PRCP: variants seen among roughly 807,000 people sequenced by gnomAD.
PRCP encodes the protein lysosomal Pro-X carboxypeptidase.
Under a neutral mutation model 54.2 loss-of-function variants are expected in PRCP, and 46 were observed. The ratio of observed to expected loss-of-function variants is 0.85; its 90% CI spans 0.67 to 1.09. The LOEUF is 1.09. Ranked by LOEUF, PRCP falls within the 50% of genes least tolerant of loss-of-function variation. The pLI, the probability that PRCP is intolerant of heterozygous loss-of-function variation, is 0.00. For missense variants in PRCP, 613 were observed against 596.8 expected (o/e 1.03, Z -0.28); for synonymous variants, 240 against 212.2 (o/e 1.13, Z -1.14).
At chr11:82,842,285 A>G (rs1858692366) in intron 6 of PRCP, among the ~76,000 whole-genome samples, 1 of 152,202 alleles carries the variant, frequency 6.6e-6, no homozygotes, top group Admixed American at 6.5e-5. Flanking sequence ...CTGGCTGACA[A>G]TACTTGGGTT....
intron 6 of PRCP, among the ~76,000 whole-genome samples, chr11:82,844,572 AC>A (rs1354101924): frequency 1.3e-5 from 2 of 152,040 alleles, no homozygotes; most frequent in Non-Finnish European, 2.9e-5. Flanking sequence ...CCCCGTCTCT[AC>A]TAAAAATACA....
intron 2 of PRCP, among the ~76,000 whole-genome samples, chr11:82,855,385 G>C (rs1859060069): frequency 6.6e-6 from 1 of 151,986 alleles, no homozygotes; most frequent in Admixed American, 6.5e-5. Context: ...TTGGGAGGCT[G>C]AGGTGGGCGG....
At chr11:82,869,458 G>A (rs1184717706) in intron 1 of PRCP, among the ~76,000 whole-genome samples, 1 of 151,480 alleles carries the variant, frequency 6.6e-6, no homozygotes, top group Admixed American at 6.6e-5. Flanking sequence ...AGAGAAGGAA[G>A]GGAAGGGAAA....
intron 8 of PRCP, among the ~76,000 whole-genome samples, chr11:82,837,475 T>C (rs952406921): frequency 1.3e-5 from 2 of 152,200 alleles, no homozygotes; most frequent in Non-Finnish European, 2.9e-5. Context: ...AAATCATTCA[T>C]AGACTTCTGT....
intron 1 of PRCP, among the ~76,000 whole-genome samples, chr11:82,877,990 C>A (rs1476673090): frequency 2.0e-5 from 3 of 152,152 alleles, no homozygotes; most frequent in Non-Finnish European, 4.4e-5. Flanking sequence ...GTGGAGCTGC[C>A]CAAGACCATG....
Position 82,879,364 on chromosome 11 carries a change from G to A in PRCP, c.169-19247C>T, listed in dbSNP as rs1249143609. Among the ~76,000 whole-genome samples the A allele has an allele frequency of 3.3e-5, 5 of 152,300 alleles. 1 individual carries two copies. Among genetic ancestry groups the A allele is most frequent in the African/African-American group, 1.2e-4 (5 of 41,562 alleles). On this transcript the variant is annotated intron_variant, in intron 1 of 8. Coordinates refer to ENST00000313010, the MANE Select transcript of PRCP (RefSeq NM_005040.4). Reference sequence around the variant, plus strand: ...ATGCATCACGTAGTTCTCGTGCCATGGTTTTCAGCTCCATCACGTCATTTA... The same window carrying A: ...ATGCATCACGTAGTTCTCGTGCCATAGTTTTCAGCTCCATCACGTCATTTA...
intron 1 of PRCP, among the ~76,000 whole-genome samples, chr11:82,877,766 C>A (rs1420091389): frequency 6.6e-6 from 1 of 152,190 alleles, no homozygotes; most frequent in Non-Finnish European, 1.5e-5. Flanking sequence ...TCTGCTAGGA[C>A]AGGGTAGAAG....
intron 1 of PRCP, among the ~76,000 whole-genome samples, chr11:82,870,137 C>T (rs555967786): frequency 1.3e-5 from 2 of 152,322 alleles, no homozygotes; most frequent in East Asian, 3.9e-4. Context: ...TCATGGCTGT[C>T]AGCCAGGACA....
chr11:82,861,643 T>A (rs563319454), intron 1 of PRCP, among the ~76,000 whole-genome samples: 2 of 152,148 alleles, frequency 1.3e-5, no homozygotes, highest in Non-Finnish European at 2.9e-5. Flanking sequence ...AGATCTAATT[T>A]CCAGGTTCCA....
At chr11:82,860,914 C>T (rs1039361231) in intron 1 of PRCP, among the ~76,000 whole-genome samples, 2 of 152,206 alleles carry the variant, frequency 1.3e-5, no homozygotes, top group East Asian at 1.9e-4. Context: ...CAAGAAAGTG[C>T]TCACAATTAA....
At position 82,823,298 on chromosome 11, in the gene PRCP, T is replaced by A. The variant is rs600166; in HGVS notation, c.*1608A>T. Among the ~76,000 whole-genome samples the A allele has an allele frequency of 0.51, 77,665 of 152,056 alleles. 21,833 individuals are homozygous for A. Among genetic ancestry groups the A allele is most frequent in the African/African-American group, 0.74 (30,760 of 41,466 alleles). On this transcript the variant is annotated 3_prime_UTR_variant, in exon 9 of 9. Transcript: ENST00000313010. Reference sequence around the variant, plus strand: ...ATTGAGCCCATAAACCCTGCATTATTTAATTTCTTAGTTGACAAAGAATAA... The same window carrying A: ...ATTGAGCCCATAAACCCTGCATTATATAATTTCTTAGTTGACAAAGAATAA...
chr11:82,869,207 T>A (rs984211929), intron 1 of PRCP, among the ~76,000 whole-genome samples: 2 of 151,634 alleles, frequency 1.3e-5, no homozygotes, highest in Non-Finnish European at 2.9e-5. Flanking sequence ...AATAAAAATA[T>A]TAGCCGGGTG....
chr11:82,873,662 A>C (rs1859532117), intron 1 of PRCP, among the ~76,000 whole-genome samples: 1 of 152,268 alleles, frequency 6.6e-6, no homozygotes, highest in African/African-American at 2.4e-5. Flanking sequence ...GAAAAAGTAC[A>C]TACAAACATA....
chr11:82,877,740 G>A (rs1313674810), intron 1 of PRCP, among the ~76,000 whole-genome samples: 1 of 152,232 alleles, frequency 6.6e-6, no homozygotes, highest in Non-Finnish European at 1.5e-5. Flanking sequence ...CAGGGGTGGA[G>A]CCCTCATGGA....
At chr11:82,868,374 G>A (rs1347955301) in intron 1 of PRCP, among the ~76,000 whole-genome samples, 1 of 151,900 alleles carries the variant, frequency 6.6e-6, no homozygotes, top group Admixed American at 6.6e-5. Context: ...TCACTAAAAG[G>A]CAGGTATTAA....
At chr11:82,828,604 C>T (rs1858301572) in intron 8 of PRCP, 1 of 152,030 alleles carries the variant, frequency 6.6e-6, no homozygotes, top group Non-Finnish European at 1.5e-5. Flanking sequence ...GTTACAAAGC[C>T]TGAAATAAAA....
intron 6 of PRCP, chr11:82,845,522 C>T (rs1340586864): frequency 6.6e-6 from 1 of 152,220 alleles, no homozygotes; most frequent in East Asian, 1.9e-4. Flanking sequence ...CTCACACTCA[C>T]TCAGATAATC....
At chr11:82,837,961 T>C (rs1332932428) in intron 8 of PRCP, among the ~76,000 whole-genome samples, 1 of 152,136 alleles carries the variant, frequency 6.6e-6, no homozygotes, top group Non-Finnish European at 1.5e-5. Flanking sequence ...CTTCACAGGG[T>C]TGTTGTGAGG....
chr11:82,840,494 T>C (rs1188885775), intron 6 of PRCP: 5 of 152,116 alleles, frequency 3.3e-5, no homozygotes, highest in Non-Finnish European at 5.9e-5. Context: ...AAAAGATAGA[T>C]GAAGTGATGG....
Sources: gnomAD v4.1 joint callset for allele counts (sites outside exome capture counted in the v4.1 genomes callset) on GRCh38, gnomAD v4.1.1 for gene constraint, MANE v1.5 for transcripts, NCBI Gene and HGNC (gene_info 2026-07-23, HGNC 2026-07-21) for gene names.